Variants in CPNE2 observed in about 807,000 individuals in gnomAD.
CPNE2 encodes the protein copine-2.
Under a neutral mutation model 69.7 loss-of-function variants are expected in CPNE2, and 42 were observed. That is an observed-to-expected ratio of 0.60 (90% CI 0.47 to 0.78). The LOEUF is 0.78. Among genes scored for constraint, CPNE2 ranks in the 30% least tolerant of loss-of-function variants. CPNE2 has a pLI of 0.00. For missense variants in CPNE2, 587 were observed against 732.0 expected (o/e 0.80, Z 2.29); for synonymous variants, 294 against 289.8 (o/e 1.01, Z -0.15).
Position 57,123,424 on chromosome 16 carries a change from A to C in CPNE2, c.878A>C (p.Asp293Ala). 6.2e-7 allele frequency: 1 copy of C among 1,613,062 alleles called. No homozygotes were observed. Among genetic ancestry groups the C allele is most frequent in the Middle Eastern group, 1.6e-4 (1 of 6,062 alleles). The change falls in exon 10 of 16, where the codon GAC becomes GCC. Residue 293 changes from aspartate to alanine, a missense_variant. Asp to Ala is a moderately radical substitution (Grantham distance 126). Transcript: ENST00000290776. ...TCCGCTTTCTTCCAGATAAACCGAGACTACTCCTTCCTTGACTACATCCTG... is the reference window on the plus strand; with the variant it reads ...TCCGCTTTCTTCCAGATAAACCGAGCCTACTCCTTCCTTGACTACATCCTG... ...IILRSCKINR[D>A]YSFLDYILGG...
chr16:57,098,873 G>C (rs28594447), intron 1 of CPNE2, among the ~76,000 whole-genome samples: 10,311 of 152,264 alleles, frequency 0.068, 505 homozygotes, highest in East Asian at 0.25. Flanking sequence ...GATATTGTAA[G>C]TGATTCCCTC....
chr16:57,118,500 C>T (rs1314884977), intron 5 of CPNE2, among the ~76,000 whole-genome samples: 2 of 152,014 alleles, frequency 1.3e-5, no homozygotes, highest in Admixed American at 6.6e-5. Flanking sequence ...TTTTCTGTCT[C>T]CCTAACTTGA....
In CPNE2 at chr16:57,110,698, G is replaced by C; in HGVS notation, c.-35-10G>C. Reference sequence around the variant, plus strand: ...TGTCCACTCTCTGACCCTCACTTCTGTTCCCCTAGACTGCCAGGAACTCCT... The same window carrying C: ...TGTCCACTCTCTGACCCTCACTTCTCTTCCCCTAGACTGCCAGGAACTCCT... On this transcript the variant is annotated splice_polypyrimidine_tract_variant and intron_variant, in intron 1 of 15. Transcript: ENST00000290776. 6.6e-7 allele frequency: 1 copy of C among 1,517,150 alleles called. No homozygotes were observed. Among genetic ancestry groups the C allele is most frequent in the Non-Finnish European group, 8.9e-7 (1 of 1,127,866 alleles). The allele number at this position is 1,517,150 out of a possible 1,614,324, so 94.0% of individuals were successfully genotyped here. A position where few individuals can be genotyped will look rare whatever the true frequency, so the allele number is the denominator to read the frequency against.
At chr16:57,120,369 T>C (rs1243495457) in intron 7 of CPNE2, among the ~76,000 whole-genome samples, 18 of 151,278 alleles carry the variant, frequency 1.2e-4, no homozygotes, top group Non-Finnish European at 2.2e-4. Context: ...TGTCAGGAGA[T>C]TGAGACCACC....
At chr16:57,124,051 T>G (rs1413164808) in intron 10 of CPNE2, 1 of 181,324 alleles carries the variant, frequency 5.5e-6, no homozygotes. Context: ...CTCTGTCATA[T>G]CTTCCTATTT....
chr16:57,095,401 T>C (rs1187974625), intron 1 of CPNE2, among the ~76,000 whole-genome samples: 1 of 152,230 alleles, frequency 6.6e-6, no homozygotes, highest in Non-Finnish European at 1.5e-5. Context: ...CGGCTGTCAC[T>C]CCCATGGCAG....
At chr16:57,115,419 T>C (rs1451094633) in intron 3 of CPNE2, 57 bp from the exon 4 acceptor site, 4 of 1,428,274 alleles carry the variant, frequency 2.8e-6, no homozygotes, top group Non-Finnish European at 3.9e-6. Context: ...GGAGGATTTT[T>C]CCTTCCCGGG....
In CPNE2 at chr16:57,117,486, G is replaced by A. The variant is rs764374146; in HGVS notation, c.436-10G>A. 4.0e-5 allele frequency: 65 copies of A among 1,612,242 alleles called. No individual in the cohort carries two copies. Among genetic ancestry groups the A allele is most frequent in the Non-Finnish European group, 5.3e-5 (63 of 1,179,322 alleles). ...GAGTCTGAGGAGCCCCTCATGTCCC[G>A]GCCTTACAGATCGCTGCCCAGGAGC... On this transcript the variant is annotated splice_polypyrimidine_tract_variant and intron_variant, in intron 4 of 15. Transcript: ENST00000290776.
At chr16:57,118,692 A>ATG (rs1555546470) in intron 5 of CPNE2, among the ~76,000 whole-genome samples, 1,388 of 54,438 alleles carry the variant, frequency 0.025, 17 homozygotes, top group African/African-American at 0.056. Flanking sequence ...ATGGATGGAT[A>ATG]GATAGATAGA....
Position 57,119,641 on chromosome 16 carries a change from G to A in CPNE2, c.672G>A (p.Lys224=). 2 of 1,608,740 alleles carry A rather than the reference G, an allele frequency of 1.2e-6. No individual in the cohort carries two copies. The highest frequency in any genetic ancestry group is 1.7e-6 in the Non-Finnish European group (2 of 1,177,724). ...LVSLCDGDME[K]PIQVMCYDYD... ...CCCTGTGTGATGGGGACATGGAGAA[G>A]CCCATCCAGGTGAGGGGGCTCTGGG... Residue 224 remains lysine, a synonymous_variant, in exon 7 of 16, where the codon AAG becomes AAA. Transcript: ENST00000290776.
chr16:57,119,534 C>T (rs760521048), intron 6 of CPNE2, 27 bp from the exon 7 acceptor site: 2 of 1,592,402 alleles, frequency 1.3e-6, no homozygotes, highest in South Asian at 1.1e-5. Flanking sequence ...AGGGCCTGAG[C>T]TCACAGCATC....
intron 12 of CPNE2, among the ~76,000 whole-genome samples, chr16:57,133,413 A>C (rs2069852585): frequency 6.6e-6 from 1 of 152,052 alleles, no homozygotes. Context: ...CCCAGGAGTA[A>C]GACCAACTCC....
chr16:57,106,464 G>A (rs2069649374), intron 1 of CPNE2, among the ~76,000 whole-genome samples: 1 of 152,216 alleles, frequency 6.6e-6, no homozygotes, highest in African/African-American at 2.4e-5. Flanking sequence ...GACAGAAGGA[G>A]GTGACCCCAG....
At chr16:57,144,247 A>T (rs889931452) in intron 14 of CPNE2, 5 of 152,336 alleles carry the variant, frequency 3.3e-5, no homozygotes, top group Non-Finnish European at 7.3e-5. Context: ...TCTTAAAGGC[A>T]CAGTGCTGGA....
chr16:57,124,934 C>T (rs1341472212), intron 10 of CPNE2: 3 of 243,708 alleles, frequency 1.2e-5, no homozygotes, highest in Admixed American at 9.5e-5. Context: ...CTCCTTTGTG[C>T]CGGGCTCTAG....
chr16:57,115,678 T>C, intron 4 of CPNE2, 128 bp downstream of exon 4: 1 of 607,046 alleles, frequency 1.6e-6, no homozygotes, highest in Non-Finnish European at 2.8e-6. Flanking sequence ...ACTTACAACT[T>C]AGCAACAGGT....
At chr16:57,110,981 G>T in intron 2 of CPNE2, 59 bp downstream of exon 2, 1 of 1,509,918 alleles carries the variant, frequency 6.6e-7, no homozygotes, top group Non-Finnish European at 9.0e-7. Context: ...CTGGGGAGGG[G>T]GAGTCTCCCA....
At chr16:57,138,119 A>G (rs1323040521) in intron 14 of CPNE2, among the ~76,000 whole-genome samples, 1 of 152,126 alleles carries the variant, frequency 6.6e-6, no homozygotes, top group East Asian at 1.9e-4. Flanking sequence ...GGAATCAGGC[A>G]CCCAGCCCAG....
At chr16:57,134,180 G>A (rs1597503780) in intron 12 of CPNE2, among the ~76,000 whole-genome samples, 1 of 152,202 alleles carries the variant, frequency 6.6e-6, no homozygotes, top group East Asian at 1.9e-4. Context: ...TGGGCCTGGA[G>A]GCAGAGAAGC....
Sources: gnomAD v4.1 joint callset for allele counts (sites outside exome capture counted in the v4.1 genomes callset) on GRCh38, gnomAD v4.1.1 for gene constraint, MANE v1.5 for transcripts, NCBI Gene and HGNC (gene_info 2026-07-23, HGNC 2026-07-21) for gene names.